DIAPH2: variants seen among roughly 807,000 people sequenced by gnomAD.
DIAPH2 encodes the protein diaphanous related formin 2, also known as protein diaphanous homolog 2.
In DIAPH2, 35 loss-of-function variants were observed where a neutral mutation model predicts 92.7. The observed-to-expected ratio is 0.38, with a 90% CI of 0.29 to 0.50. The LOEUF (loss-of-function observed/expected upper bound fraction) is 0.50, where lower values mean the gene tolerates loss of function less well. DIAPH2 is among the 20% of genes least tolerant of loss of function. DIAPH2 has a pLI of 0.94. For missense variants in DIAPH2, 701 were observed against 819.5 expected, an observed-to-expected ratio of 0.86 and a Z score of 1.77; for synonymous variants, 301 against 280.4, an observed-to-expected ratio of 1.07 and a Z score of -0.73.
At chrX:97,252,828 T>C (rs985058170) in intron 23 of DIAPH2, among the ~76,000 whole-genome samples, 3 of 111,386 alleles carry the variant, frequency 2.7e-5, no homozygotes, top group Non-Finnish European at 5.6e-5. Flanking sequence ...TCATCACCTC[T>C]GACTCTCTCC....
chrX:97,091,927 C>T (rs1202896400), intron 19 of DIAPH2, among the ~76,000 whole-genome samples: 1 of 111,705 alleles, frequency 9.0e-6, no homozygotes, highest in Non-Finnish European at 1.9e-5. Context: ...TAGAAGTTTC[C>T]AGCAGAGAAG....
intron 26 of DIAPH2, among the ~76,000 whole-genome samples, chrX:97,486,415 A>G (rs1053251104): frequency 3.6e-5 from 4 of 111,659 alleles, no homozygotes; most frequent in East Asian, 2.8e-4. Context: ...CGTGCTAGAG[A>G]AAAAGAGCTA....
chrX:96,763,595 A>G (rs940412129), intron 4 of DIAPH2, among the ~76,000 whole-genome samples: 1 of 111,760 alleles, frequency 8.9e-6, no homozygotes, highest in Non-Finnish European at 1.9e-5. Flanking sequence ...GCTACTAATC[A>G]GCTTTTGCTA....
chrX:97,365,849 A>T lies in DIAPH2; in HGVS notation c.3009+17569A>T, dbSNP rs146705903. Among the ~76,000 whole-genome samples, 846 of 109,389 alleles carry T rather than the reference A, an allele frequency of 7.7e-3. 9 individuals are homozygous for T. The highest frequency in any genetic ancestry group is 0.025 in the African/African-American group (767 of 30,082). The allele number at this position is 109,389 out of a possible 115,157, so 95.0% of individuals were successfully genotyped here. ...CCCAAGTAGCTAGGACTACAGGTGCACACCACCATGCCCAGCTAATTTTTG... is the reference window on the plus strand; with the variant it reads ...CCCAAGTAGCTAGGACTACAGGTGCTCACCACCATGCCCAGCTAATTTTTG... On this transcript the variant is annotated intron_variant, in intron 24 of 26. Transcript: ENST00000324765.
At chrX:97,359,283 A>G (rs191313958) in intron 24 of DIAPH2, among the ~76,000 whole-genome samples, 2 of 111,728 alleles carry the variant, frequency 1.8e-5, no homozygotes, top group Non-Finnish European at 3.8e-5. Context: ...TCTGCTGTGC[A>G]CTTTGATTTA....
intron 26 of DIAPH2, among the ~76,000 whole-genome samples, chrX:97,518,251 G>A (rs2147843310): frequency 8.9e-6 from 1 of 111,747 alleles, no homozygotes; most frequent in African/African-American, 3.2e-5. Flanking sequence ...AGAGCTGGCA[G>A]TATGAGATAA....
intron 21 of DIAPH2, among the ~76,000 whole-genome samples, chrX:97,123,039 C>A (rs903603296): frequency 1.8e-5 from 2 of 111,907 alleles, no homozygotes; most frequent in African/African-American, 6.5e-5. Flanking sequence ...TCTGTCTGTG[C>A]CTCATTATAT....
At chrX:97,458,795 T>C (rs1878985243) in intron 26 of DIAPH2, among the ~76,000 whole-genome samples, 1 of 112,004 alleles carries the variant, frequency 8.9e-6, no homozygotes. Context: ...TACATGAAGG[T>C]ACATTTCATA....
chrX:97,110,534 C>T (rs964311894), intron 20 of DIAPH2, among the ~76,000 whole-genome samples: 4 of 111,372 alleles, frequency 3.6e-5, no homozygotes, highest in African/African-American at 1.3e-4. Context: ...ATATGGTGAG[C>T]ATGGAAAATA....
At position 97,600,075 on chromosome X, in the gene DIAPH2, C is replaced by G. The variant is rs1171800896; in HGVS notation, c.*758C>G. 8.9e-6 allele frequency: 1 copy of G among 112,652 alleles called. No individual in the cohort carries two copies. Among genetic ancestry groups the G allele is most frequent in the African/African-American group, 3.2e-5 (1 of 30,988 alleles). The allele number at this position is 112,652 out of a possible 1,213,427, so 9.3% of individuals were successfully genotyped here. ...GTATTTTCTAATTATGCACAGATAT[C>G]TACTTTATACAAATACTTTATATGG... On this transcript the variant is annotated 3_prime_UTR_variant, in exon 27 of 27. Coordinates refer to ENST00000324765, the MANE Select transcript of DIAPH2 (RefSeq NM_006729.5).
intron 22 of DIAPH2, among the ~76,000 whole-genome samples, chrX:97,229,537 CTG>C (rs2067991333): frequency 9.0e-6 from 1 of 110,935 alleles, no homozygotes; most frequent in Non-Finnish European, 1.9e-5. Context: ...AAAGCTAACT[CTG>C]TGGTTTTAAG....
chrX:96,855,516 C>T (rs2065033917), intron 4 of DIAPH2, among the ~76,000 whole-genome samples: 1 of 108,869 alleles, frequency 9.2e-6, no homozygotes, highest in African/African-American at 3.3e-5. Context: ...AAAACTATGG[C>T]TTAGTCTATA....
At chrX:96,963,216 G>C (rs538991034) in intron 16 of DIAPH2, among the ~76,000 whole-genome samples, 20 of 111,357 alleles carry the variant, frequency 1.8e-4, no homozygotes, top group Admixed American at 1.4e-3. Context: ...ACGTGTTCCT[G>C]GGATGTAGGA....
intron 17 of DIAPH2, among the ~76,000 whole-genome samples, chrX:97,047,542 C>CTTTTTTT (rs5903064): frequency 6.6e-5 from 2 of 30,101 alleles, no homozygotes; most frequent in Non-Finnish European, 1.1e-4. Context: ...ATAAAATAGG[C>CTTTTTTT]TTTTTTTTTT....
intron 22 of DIAPH2, among the ~76,000 whole-genome samples, chrX:97,157,206 C>T (rs1028047597): frequency 3.6e-5 from 4 of 109,933 alleles, no homozygotes; most frequent in African/African-American, 9.9e-5. Flanking sequence ...CCCAGCTACT[C>T]GGGAGGTTGA....
At chrX:97,261,935 C>T (rs2147570971) in intron 23 of DIAPH2, among the ~76,000 whole-genome samples, 1 of 110,195 alleles carries the variant, frequency 9.1e-6, no homozygotes, top group Admixed American at 9.8e-5. Context: ...TTCTCTGATT[C>T]ATCACACCAG....
At chrX:96,986,335 A>G (rs1381238007) in intron 17 of DIAPH2, among the ~76,000 whole-genome samples, 1 of 112,003 alleles carries the variant, frequency 8.9e-6, no homozygotes, top group Non-Finnish European at 1.9e-5. Flanking sequence ...GCATGGAAAT[A>G]TTAACAATGT....
At chrX:97,494,502 A>G (rs1051717667) in intron 26 of DIAPH2, among the ~76,000 whole-genome samples, 1 of 111,479 alleles carries the variant, frequency 9.0e-6, no homozygotes, top group Non-Finnish European at 1.9e-5. Context: ...AGAGTTGTGT[A>G]TTACGATTTA....
intron 22 of DIAPH2, among the ~76,000 whole-genome samples, chrX:97,223,902 TA>T (rs1210154810): frequency 9.0e-6 from 1 of 111,564 alleles, no homozygotes; most frequent in African/African-American, 3.3e-5. Context: ...AGTTATTGTT[TA>T]CTGTTTTTTT....
Sources: gnomAD v4.1 joint callset for allele counts (sites outside exome capture counted in the v4.1 genomes callset) on GRCh38, gnomAD v4.1.1 for gene constraint, MANE v1.5 for transcripts, NCBI Gene and HGNC (gene_info 2026-07-23, HGNC 2026-07-21) for gene names.